GABPB2: variants seen among roughly 807,000 people sequenced by gnomAD.
GABPB2 encodes GA binding protein transcription factor subunit beta 2.
Under a neutral mutation model 39.1 loss-of-function variants are expected in GABPB2, and 23 were observed. That is an observed-to-expected ratio of 0.59 (90% confidence interval 0.42 to 0.83). The LOEUF is 0.83. Among genes scored for constraint, GABPB2 ranks in the 40% least tolerant of loss-of-function variants. The probability of loss-of-function intolerance (pLI) is 0.00; values close to 1 mark genes in which losing one functional copy is unlikely to be tolerated. For missense variants in GABPB2, 467 were observed against 541.1 expected, an observed-to-expected ratio of 0.86 and a Z score of 1.36; for synonymous variants, 184 against 199.3, an observed-to-expected ratio of 0.92 and a Z score of 0.65.
chr1:151,097,964 C>T lies in GABPB2; in HGVS notation c.584C>T (p.Ala195Val). 6.2e-7 allele frequency: 1 copy of T among 1,614,014 alleles called. No individual in the cohort carries two copies. The highest frequency in any genetic ancestry group is 2.2e-5 in the East Asian group (1 of 44,876). ...IFTSGEVVNLASLISSTNTKT... is the reference protein window; with the variant it reads ...IFTSGEVVNLVSLISSTNTKT... ...ACGTCGGGTGAGGTTGTTAACCTCG[C>T]AAGCCTTATTTCTTCAACCAACACC... Residue 195 changes from alanine to valine, a missense_variant, in exon 5 of 9, where the codon GCA (alanine) becomes GTA (valine). Transcript: ENST00000368918.
intron 1 of GABPB2, among the ~76,000 whole-genome samples, chr1:151,080,378 G>A (rs1453200128): frequency 2.0e-5 from 3 of 150,326 alleles, no homozygotes; most frequent in Admixed American, 6.7e-5. Flanking sequence ...GGGCATGGTG[G>A]CACATGCCTG....
chr1:151,082,392 C>CT (rs35044606), intron 1 of GABPB2, among the ~76,000 whole-genome samples: 27 of 48,006 alleles, frequency 5.6e-4, no homozygotes, highest in African/African-American at 8.5e-4. Context: ...GTGGTAATTT[C>CT]TTTTTTTTTT....
rs1680026619 is a variant in GABPB2 at position 151,107,094 on chromosome 1, T to G, written c.794T>G (p.Met265Arg). The G allele has an allele frequency of 1.2e-6, 2 of 1,613,438 alleles. No homozygotes were observed. Residue 265 changes from methionine (M) to arginine (R), a missense_variant, in exon 7 of 9, where the codon ATG (methionine) becomes AGG (arginine). Transcript: ENST00000368918. ...NSVDSSIQQV[M>R]GSGGQRVITI... ...GTTGACTCATCAATCCAGCAAGTAA[T>G]GGGGAGTGGAGGCCAGAGGGTCATC...
intron 1 of GABPB2, among the ~76,000 whole-genome samples, chr1:151,086,775 C>G (rs947227465): frequency 6.6e-6 from 1 of 151,942 alleles, no homozygotes; most frequent in Non-Finnish European, 1.5e-5. Flanking sequence ...TCAAGTTTTC[C>G]TCCCACTTTA....
intron 1 of GABPB2, among the ~76,000 whole-genome samples, chr1:151,077,244 G>A (rs1371189259): frequency 2.6e-5 from 4 of 152,066 alleles, no homozygotes; most frequent in Non-Finnish European, 4.4e-5. Context: ...TCCCTGTACA[G>A]GGTTCCTGAT....
intron 4 of GABPB2, among the ~76,000 whole-genome samples, chr1:151,096,416 A>G (rs1679102020): frequency 6.6e-6 from 1 of 151,980 alleles, no homozygotes; most frequent in Non-Finnish European, 1.5e-5. Flanking sequence ...CTCCGTCTCA[A>G]AAAAAAATAA....
intron 4 of GABPB2, among the ~76,000 whole-genome samples, chr1:151,093,950 C>G (rs1678906207): frequency 6.6e-6 from 1 of 151,534 alleles, no homozygotes; most frequent in Non-Finnish European, 1.5e-5. Flanking sequence ...AAGTTGAACC[C>G]TTGTAAATTG....
rs587633325 is a variant in GABPB2, at chr1:151,079,375, C to T, written c.-1+8441C>T. Reference sequence around the variant, plus strand: ...GGCCTAACCTGGTGAAACACTGCCTCTACTAAAAATGCATAAATTAGCCAG... The same window carrying T: ...GGCCTAACCTGGTGAAACACTGCCTTTACTAAAAATGCATAAATTAGCCAG... On this transcript the variant is annotated intron_variant, in intron 1 of 8. Transcript: ENST00000368918. 3.3e-3 allele frequency among the ~76,000 whole-genome samples: 493 copies of T among 151,442 alleles called. 2 individuals are homozygous for T. The highest frequency in any genetic ancestry group is 8.1e-3 in the South Asian group (39 of 4,788).
At chr1:151,082,662 G>A (rs1013583824) in intron 1 of GABPB2, among the ~76,000 whole-genome samples, 3 of 151,592 alleles carry the variant, frequency 2.0e-5, no homozygotes, top group African/African-American at 7.3e-5. Flanking sequence ...GCCCACCTCA[G>A]CCTCCCAAAG....
At chr1:151,072,636 A>G (rs141394420) in intron 1 of GABPB2, among the ~76,000 whole-genome samples, 7,241 of 151,992 alleles carry the variant, frequency 0.048, 225 homozygotes, top group Non-Finnish European at 0.075. Flanking sequence ...ACCTGAGGTC[A>G]GGAGTTCGAC....
At chr1:151,077,489 T>C (rs191931028) in intron 1 of GABPB2, among the ~76,000 whole-genome samples, 6 of 151,856 alleles carry the variant, frequency 4.0e-5, no homozygotes, top group Admixed American at 3.9e-4. Context: ...CCTGAGTAGC[T>C]GGGACTACAG....
At position 151,110,005 on chromosome 1, in the gene GABPB2, A is replaced by ATTTTTTT. The variant is rs71577269; in HGVS notation, c.922+2814_922+2820dup. ...AATCATGTGCCACCATGCCCAGCTA[A>ATTTTTTT]TTTTTTTTTTTTTTTTTTTTTTTTT... On this transcript the variant is annotated intron_variant, in intron 7 of 8. Transcript: ENST00000368918. 3.5e-3 allele frequency among the ~76,000 whole-genome samples: 214 copies of ATTTTTTT among 60,746 alleles called. 43 individuals carry two copies. The highest frequency in any genetic ancestry group is 6.1e-3 in the Non-Finnish European group (176 of 28,828). 39.9% of individuals were successfully genotyped at this position (60,746 alleles called of 152,430 possible).
rs772105540 is a variant in GABPB2, at chr1:151,097,946, G to T, written c.566G>T (p.Gly189Val). 1 of 1,614,084 alleles carries T rather than the reference G, an allele frequency of 6.2e-7. No homozygotes were observed. The highest frequency in any genetic ancestry group is 8.5e-7 in the Non-Finnish European group (1 of 1,179,994). The change falls in exon 5 of 9, where the codon GGT becomes GTT. Residue 189 changes from glycine (G) to valine (V), a missense_variant. Gly to Val is a moderately radical substitution (Grantham distance 109, BLOSUM62 -3). Transcript: ENST00000368918. ...SMAAPFIFTSGEVVNLASLIS... is the reference protein window; with the variant it reads ...SMAAPFIFTSVEVVNLASLIS... Reference sequence around the variant, plus strand: ...GCTGCTCCATTCATCTTCACGTCGGGTGAGGTTGTTAACCTCGCAAGCCTT... The same window carrying T: ...GCTGCTCCATTCATCTTCACGTCGGTTGAGGTTGTTAACCTCGCAAGCCTT...
chr1:151,086,850 G>A (rs1678245309), intron 1 of GABPB2, among the ~76,000 whole-genome samples: 1 of 151,070 alleles, frequency 6.6e-6, no homozygotes, highest in African/African-American at 2.4e-5. Flanking sequence ...GTATTTTTTT[G>A]TATATATATT....
intron 4 of GABPB2, among the ~76,000 whole-genome samples, chr1:151,095,512 T>C (rs1679033417): frequency 6.6e-6 from 1 of 152,196 alleles, no homozygotes; most frequent in African/African-American, 2.4e-5. Flanking sequence ...TAAATAACTA[T>C]ACGGTGACTT....
intron 1 of GABPB2, among the ~76,000 whole-genome samples, chr1:151,075,599 G>A (rs1348038494): frequency 6.8e-6 from 1 of 147,744 alleles, no homozygotes; most frequent in Non-Finnish European, 1.5e-5. Context: ...AATTTAGCCA[G>A]GTGGGAGACT....
At chr1:151,117,542 G>T in intron 8 of GABPB2, 26 bp downstream of exon 8, 1 of 1,609,086 alleles carries the variant, frequency 6.2e-7, no homozygotes, top group Non-Finnish European at 8.5e-7. Context: ...GTGATGAAAA[G>T]AATTTAAAGC....
chr1:151,115,636 G>A (rs944511966), intron 7 of GABPB2, among the ~76,000 whole-genome samples: 4 of 151,874 alleles, frequency 2.6e-5, no homozygotes, highest in Admixed American at 2.6e-4. Context: ...CCTGAGCTCA[G>A]GCAGTCTGCC....
At position 151,121,082 on chromosome 1, in the gene GABPB2, G is replaced by A. The variant is rs1394047479; in HGVS notation, c.*2826G>A. On this transcript the variant is annotated 3_prime_UTR_variant, in exon 9 of 9. Transcript: ENST00000368918. Reference sequence around the variant, plus strand: ...CTAGACTCTAATTTTATAAAACTTTGTTGAATTTTCTAAGTGTCATTTAGG... The same window carrying A: ...CTAGACTCTAATTTTATAAAACTTTATTGAATTTTCTAAGTGTCATTTAGG... The A allele has an allele frequency of 2.0e-5, 3 of 152,080 alleles. No individual in the cohort carries two copies. The highest frequency in any genetic ancestry group is 7.2e-5 in the African/African-American group (3 of 41,408). The allele number at this position is 152,080 out of a possible 1,614,324, so 9.4% of individuals were successfully genotyped here.
Sources: allele counts gnomAD v4.1 joint callset (sites outside exome capture counted in the v4.1 genomes callset), GRCh38; gene constraint gnomAD v4.1.1; transcripts MANE v1.5; gene names NCBI Gene and HGNC (gene_info 2026-07-23, HGNC 2026-07-21).